The following RAD23B variants were observed in gnomAD, a reference collection of about 807,000 sequenced individuals.
The protein encoded by RAD23B is RAD23 nucleotide excision repair protein B.
RAD23B carries 5 observed loss-of-function variants against 49.1 expected under a neutral mutation model. The observed-to-expected ratio is 0.10, with a 90% CI of 0.05 to 0.21. RAD23B has a LOEUF of 0.21. RAD23B is among the 10% of genes least tolerant of loss of function. The pLI, the probability that RAD23B is intolerant of heterozygous loss-of-function variation, is 1.00. For missense variants in RAD23B, 356 were observed against 486.7 expected (o/e 0.73, Z 2.53); for synonymous variants, 184 against 165.4 (o/e 1.11, Z -0.86).
At chr9:107,328,042 A>G (rs374126682) in intron 9 of RAD23B, among the ~76,000 whole-genome samples, 14 of 152,158 alleles carry the variant, frequency 9.2e-5, no homozygotes, top group East Asian at 1.9e-4. Context: ...ACCTTTTTCT[A>G]TCATTTTACT....
In RAD23B at chr9:107,326,934, C is replaced by T. The variant is rs529685930; in HGVS notation, c.1116+1930C>T. Among the ~76,000 whole-genome samples, 19 of 152,138 alleles carry T rather than the reference C, an allele frequency of 1.2e-4. No homozygotes were observed. The East Asian group carries it at 2.1e-3, about 17-fold the overall frequency. ...GATTACAGGCGTGAGCCACTGCACC[C>T]GGCCAACTTTTCTATTTCTTTTAGA... On this transcript the variant is annotated intron_variant, in intron 9 of 9. Coordinates refer to ENST00000358015, the MANE Select transcript of RAD23B (RefSeq NM_002874.5).
chr9:107,298,712 A>G (rs951957287), intron 1 of RAD23B, among the ~76,000 whole-genome samples: 2 of 151,002 alleles, frequency 1.3e-5, no homozygotes, highest in African/African-American at 4.8e-5. Flanking sequence ...ATAAATATAA[A>G]CTTATTATAA....
intron 3 of RAD23B, among the ~76,000 whole-genome samples, chr9:107,304,810 C>G (rs962369733): frequency 6.6e-6 from 1 of 152,166 alleles, no homozygotes; most frequent in African/African-American, 2.4e-5. Context: ...CACCACTGAG[C>G]TTAGGAGTGC....
intron 5 of RAD23B, 98 bp downstream of exon 5, chr9:107,311,835 T>G: frequency 1.1e-6 from 1 of 886,158 alleles, no homozygotes; most frequent in South Asian, 1.7e-5. Flanking sequence ...TTTGCATGGT[T>G]GTTTATAATC....
rs1443425269 is a variant in RAD23B, at chr9:107,311,692, G to A, written c.508G>A (p.Asp170Asn). Residue 170 changes from aspartate (D) to asparagine (N), a missense_variant, in exon 5 of 10, where the codon GAT (aspartate) becomes AAT (asparagine). Asp to Asn is a conservative substitution (Grantham distance 23). This residue lies in a region of RAD23B where 137 missense variants were observed against 122.0 expected (regional missense o/e 1.12). Coordinates refer to ENST00000358015, the MANE Select transcript of RAD23B (RefSeq NM_002874.5). Reference protein sequence around the residue: ...SPTATDSTSGDSSRSNLFEDA... With the variant: ...SPTATDSTSGNSSRSNLFEDA... ...AAAATCCTTTTGTAGTACATCGGGT[G>A]ATTCTTCTCGGTCAAACCTTTTTGA... 6.4e-7 allele frequency: 1 copy of A among 1,571,894 alleles called. No homozygotes were observed. Among genetic ancestry groups the A allele is most frequent in the Non-Finnish European group, 8.6e-7 (1 of 1,166,826 alleles).
rs530018512 is a variant in RAD23B at position 107,306,966 on chromosome 9, G to A, written c.497+319G>A. Among the ~76,000 whole-genome samples, 7 of 151,786 alleles carry A rather than the reference G, an allele frequency of 4.6e-5. No individual in the cohort carries two copies. In the South Asian group the frequency reaches 1.3e-3, roughly 27 times the overall value. On this transcript the variant is annotated intron_variant, in intron 4 of 9. Coordinates refer to ENST00000358015, the MANE Select transcript of RAD23B (RefSeq NM_002874.5). Reference sequence around the variant, plus strand: ...AAATACAAATAACCAAAATGAATAAGGATTACATCATGACATTGCCACCCT... The same window carrying A: ...AAATACAAATAACCAAAATGAATAAAGATTACATCATGACATTGCCACCCT...
intron 6 of RAD23B, among the ~76,000 whole-genome samples, chr9:107,319,233 C>T (rs984728468): frequency 6.7e-6 from 1 of 148,430 alleles, no homozygotes; most frequent in African/African-American, 2.5e-5. Context: ...CAGGTTCACG[C>T]CTTTCTCCTG....
At chr9:107,307,187 G>A (rs1369793547) in intron 4 of RAD23B, among the ~76,000 whole-genome samples, 1 of 152,140 alleles carries the variant, frequency 6.6e-6, no homozygotes, top group Non-Finnish European at 1.5e-5. Context: ...GAACTTGTGA[G>A]AAATTCAGGC....
chr9:107,297,264 A>G (rs1826546269), intron 1 of RAD23B, among the ~76,000 whole-genome samples: 1 of 152,046 alleles, frequency 6.6e-6, no homozygotes, highest in African/African-American at 2.4e-5. Context: ...TGTTTAGTCT[A>G]CAATTACTTC....
intron 4 of RAD23B, among the ~76,000 whole-genome samples, chr9:107,310,680 A>T (rs953497478): frequency 2.6e-5 from 4 of 152,186 alleles, no homozygotes; most frequent in Non-Finnish European, 4.4e-5. Context: ...TTAATGAAGA[A>T]CTTAAATTAT....
chr9:107,327,719 G>A (rs1358150715), intron 9 of RAD23B, among the ~76,000 whole-genome samples: 1 of 152,124 alleles, frequency 6.6e-6, no homozygotes, highest in Non-Finnish European at 1.5e-5. Context: ...AGAATATAGT[G>A]TAGTTCTTAT....
At position 107,306,990 on chromosome 9, in the gene RAD23B, C is replaced by T. The variant is rs1826794001; in HGVS notation, c.497+343C>T. On this transcript the variant is annotated intron_variant, in intron 4 of 9. Coordinates refer to ENST00000358015, the MANE Select transcript of RAD23B (RefSeq NM_002874.5). The stretch of plus-strand genomic sequence containing the variant: ...AGGATTACATCATGACATTGCCACC[C>T]TGATCATCATTTGTACTTGATCTGT... 2.0e-5 allele frequency among the ~76,000 whole-genome samples: 3 copies of T among 152,018 alleles called. No homozygotes were observed. In the South Asian group the frequency reaches 6.2e-4, roughly 31 times the overall value.
chr9:107,287,130 A>C (rs1833286880), intron 1 of RAD23B, among the ~76,000 whole-genome samples: 2 of 152,182 alleles, frequency 1.3e-5, no homozygotes, highest in Non-Finnish European at 2.9e-5. Flanking sequence ...TTTAGAGGGA[A>C]ATGGAATACA....
intron 3 of RAD23B, among the ~76,000 whole-genome samples, chr9:107,306,045 T>TTTTATATA (rs59336314): frequency 2.1e-3 from 56 of 26,798 alleles, no homozygotes; most frequent in African/African-American, 6.9e-3. Context: ...ATGATACGGT[T>TTTTATATA]TATATCTATA....
At chr9:107,310,453 T>A (rs561553973) in intron 4 of RAD23B, among the ~76,000 whole-genome samples, 1 of 152,202 alleles carries the variant, frequency 6.6e-6, no homozygotes, top group Non-Finnish European at 1.5e-5. Flanking sequence ...AATGGAATAC[T>A]GTGCACATTT....
At chr9:107,326,074 T>G (rs1442636480) in intron 9 of RAD23B, among the ~76,000 whole-genome samples, 1 of 152,238 alleles carries the variant, frequency 6.6e-6, no homozygotes, top group East Asian at 1.9e-4. Flanking sequence ...TAAATTTTAC[T>G]GGTTACAGCA....
chr9:107,288,894 G>A (rs1833327173), intron 1 of RAD23B, among the ~76,000 whole-genome samples: 1 of 152,196 alleles, frequency 6.6e-6, no homozygotes, highest in South Asian at 2.1e-4. Flanking sequence ...AGATAAGGGT[G>A]AGTTGGGTAA....
At position 107,329,593 on chromosome 9, in the gene RAD23B, T is replaced by A. The variant is rs1213172236; in HGVS notation, c.1167T>A (p.Ala389=). 1 of 1,613,732 alleles carries A rather than the reference T, an allele frequency of 6.2e-7. No homozygotes were observed. The highest frequency in any genetic ancestry group is 8.5e-7 in the Non-Finnish European group (1 of 1,179,736). The change falls in exon 10 of 10, where the codon GCT becomes GCA. Residue 389 remains alanine (A), a synonymous_variant. Transcript: ENST00000358015. ...GACTTGTGATACAAGCGTATTTTGC[T>A]TGTGAGAAGAATGAGAATTTGGCTG... ...PEGLVIQAYF[A]CEKNENLAAN... is the part of the protein sequence containing the mutation.
intron 4 of RAD23B, among the ~76,000 whole-genome samples, chr9:107,310,922 T>C (rs539313514): frequency 1.3e-5 from 2 of 152,330 alleles, no homozygotes; most frequent in East Asian, 1.9e-4. Context: ...AACTGAAATA[T>C]AATGTGTGTG....
Sources: allele counts gnomAD v4.1 joint callset (sites outside exome capture counted in the v4.1 genomes callset), GRCh38; gene constraint gnomAD v4.1.1; regional missense constraint gnomAD v4.1.1; transcripts MANE v1.5; gene names NCBI Gene and HGNC (gene_info 2026-07-23, HGNC 2026-07-21).